The following ZRANB3 variants were observed in gnomAD, a reference collection of about 807,000 sequenced individuals.
The protein encoded by ZRANB3 is DNA annealing helicase and endonuclease ZRANB3.
In ZRANB3, 125 loss-of-function variants were observed where a neutral mutation model predicts 133.8. That is an observed-to-expected ratio of 0.93 (90% CI 0.81 to 1.08). The LOEUF is 1.08. ZRANB3 is among the 50% of genes least tolerant of loss of function. ZRANB3 has a pLI of 0.00. For missense variants in ZRANB3, 1,229 were observed against 1,275.5 expected (o/e 0.96, Z 0.56); for synonymous variants, 387 against 432.7 (o/e 0.89, Z 1.31).
intron 12 of ZRANB3, 112 bp downstream of exon 12, chr2:135,265,422 G>T: frequency 1.7e-6 from 2 of 1,189,600 alleles, no homozygotes; most frequent in Non-Finnish European, 2.2e-6. Flanking sequence ...TTTATGTGAA[G>T]TCTCCTTTCA....
intron 10 of ZRANB3, among the ~76,000 whole-genome samples, chr2:135,270,109 C>T (rs1337070927): frequency 2.0e-5 from 3 of 151,960 alleles, no homozygotes; most frequent in African/African-American, 7.3e-5. Context: ...GAAAATCAGT[C>T]TCTGAAAAAG....
intron 2 of ZRANB3, among the ~76,000 whole-genome samples, chr2:135,397,374 G>T (rs1397274369): frequency 1.3e-5 from 2 of 151,486 alleles, no homozygotes; most frequent in Non-Finnish European, 2.9e-5. Flanking sequence ...CTTGAGCCCA[G>T]GAAGTTTAAT....
intron 12 of ZRANB3, among the ~76,000 whole-genome samples, chr2:135,245,945 AAAAG>A (rs1434561935): frequency 2.0e-5 from 3 of 146,574 alleles, no homozygotes; most frequent in Non-Finnish European, 4.5e-5. Flanking sequence ...AAAAAAAAAA[AAAAG>A]AGACAGGGTT....
intron 6 of ZRANB3, among the ~76,000 whole-genome samples, chr2:135,323,837 G>A (rs544631489): frequency 2.0e-5 from 3 of 151,710 alleles, no homozygotes; most frequent in Middle Eastern, 3.4e-3. Flanking sequence ...GTTCGATCTC[G>A]GCTCACTGCA....
chr2:135,366,103 A>G (rs1685926513), intron 3 of ZRANB3, among the ~76,000 whole-genome samples: 1 of 152,198 alleles, frequency 6.6e-6, no homozygotes, highest in Admixed American at 6.5e-5. Context: ...TACTTGGATT[A>G]ATCTGTCAAT....
intron 2 of ZRANB3, among the ~76,000 whole-genome samples, chr2:135,406,987 G>A (rs1688068728): frequency 6.6e-6 from 1 of 152,182 alleles, no homozygotes; most frequent in South Asian, 2.1e-4. Context: ...TCAGGCAGGA[G>A]AAGGAAATAA....
At chr2:135,478,365 G>C (rs1691594996) in intron 2 of ZRANB3, among the ~76,000 whole-genome samples, 1 of 151,976 alleles carries the variant, frequency 6.6e-6, no homozygotes, top group African/African-American at 2.4e-5. Flanking sequence ...CCAAGTTAAA[G>C]AAACAGAATA....
chr2:135,408,657 G>A (rs1004660969), intron 2 of ZRANB3, among the ~76,000 whole-genome samples: 2 of 152,162 alleles, frequency 1.3e-5, no homozygotes, highest in Non-Finnish European at 2.9e-5. Flanking sequence ...AAAAAGTGAT[G>A]AGTTCATGTC....
In ZRANB3 at chr2:135,345,605, G is replaced by T. The variant is rs1684882122; in HGVS notation, c.622C>A (p.Gln208Lys). 6.2e-7 allele frequency: 1 copy of T among 1,612,568 alleles called. No homozygotes were observed. Among genetic ancestry groups the T allele is most frequent in the Non-Finnish European group, 8.5e-7 (1 of 1,179,156 alleles). The part of the protein sequence containing the change: ...LFMQIEALFP[Q>K]KFGRWTDYAK... ...TAGTCGGTCCATCTTCCAAATTTTTGTGGAAAGAGAGCTTCAATCTGCATA... is the reference window on the plus strand; with the variant it reads ...TAGTCGGTCCATCTTCCAAATTTTTTTGGAAAGAGAGCTTCAATCTGCATA... The change falls in exon 6 of 21, where the codon CAA becomes AAA. Residue 208 changes from glutamine (Q) to lysine (K), a missense_variant. By Grantham distance (53) the Gln-to-Lys change is moderately conservative (BLOSUM62 1). Coordinates refer to ENST00000264159, the MANE Select transcript of ZRANB3 (RefSeq NM_032143.4).
chr2:135,210,860 CT>C (rs1324992922), intron 17 of ZRANB3, among the ~76,000 whole-genome samples: 1 of 152,084 alleles, frequency 6.6e-6, no homozygotes, highest in Admixed American at 6.6e-5. Flanking sequence ...GAAACCCTGT[CT>C]CTACTAAAAG....
intron 2 of ZRANB3, among the ~76,000 whole-genome samples, chr2:135,413,157 G>A (rs1688386735): frequency 6.6e-6 from 1 of 152,054 alleles, no homozygotes; most frequent in Non-Finnish European, 1.5e-5. Flanking sequence ...GACACTTTAG[G>A]ACACTTCGGA....
intron 10 of ZRANB3, chr2:135,271,209 T>A: frequency 2.4e-6 from 1 of 414,234 alleles, no homozygotes. Flanking sequence ...AAGGACTTTG[T>A]GCAAACATCA....
At chr2:135,374,429 C>A (rs1686327274) in intron 3 of ZRANB3, among the ~76,000 whole-genome samples, 1 of 151,996 alleles carries the variant, frequency 6.6e-6, no homozygotes, top group Admixed American at 6.6e-5. Context: ...AACTAAACTT[C>A]TGCTCTGTGA....
intron 4 of ZRANB3, among the ~76,000 whole-genome samples, chr2:135,351,269 T>TC (rs1393818305): frequency 2.7e-5 from 4 of 146,792 alleles, no homozygotes; most frequent in African/African-American, 7.5e-5. Flanking sequence ...AATTTTCTTT[T>TC]TTTTTTTTTT....
intron 17 of ZRANB3, among the ~76,000 whole-genome samples, chr2:135,210,164 T>TG (rs570361622): frequency 1.1e-3 from 172 of 152,220 alleles, no homozygotes; most frequent in Middle Eastern, 3.4e-3. Flanking sequence ...CAGCAGTAAC[T>TG]GGAGTCTGAC....
intron 1 of ZRANB3, among the ~76,000 whole-genome samples, chr2:135,512,125 T>A (rs534087752): frequency 6.6e-6 from 1 of 152,310 alleles, no homozygotes; most frequent in Non-Finnish European, 1.5e-5. Flanking sequence ...AATGACAATA[T>A]TGGCTAGGGA....
chr2:135,200,360 T>C lies in ZRANB3; in HGVS notation c.3222A>G (p.Arg1074=), dbSNP rs751513311. The part of the protein sequence containing the change: ...LASKHGSDIT[R]FLVKK ...TTCTACTTTACTTCTTTACCAAAAA[T>C]CGTGTGATGTCTGATCCATGCTTTG... The change falls in exon 21 of 21, where the codon CGA becomes CGG. Residue 1074 remains arginine (R), a synonymous_variant. Transcript: ENST00000264159. 17 of 1,601,034 alleles carry C rather than the reference T, an allele frequency of 1.1e-5. No homozygotes were observed. Among genetic ancestry groups the C allele is most frequent in the Non-Finnish European group, 1.3e-5 (15 of 1,173,202 alleles).
At chr2:135,485,070 A>T (rs943581607) in intron 2 of ZRANB3, among the ~76,000 whole-genome samples, 1 of 152,058 alleles carries the variant, frequency 6.6e-6, no homozygotes, top group African/African-American at 2.4e-5. Context: ...ATATATTTTT[A>T]AAACCCCAAT....
intron 2 of ZRANB3, among the ~76,000 whole-genome samples, chr2:135,483,957 T>A (rs1362704640): frequency 6.6e-6 from 1 of 152,222 alleles, no homozygotes; most frequent in Non-Finnish European, 1.5e-5. Flanking sequence ...TCTAGTTTGA[T>A]TGCACTGTGG....
Sources: allele counts gnomAD v4.1 joint callset (sites outside exome capture counted in the v4.1 genomes callset), GRCh38; gene constraint gnomAD v4.1.1; transcripts MANE v1.5; gene names NCBI Gene and HGNC (gene_info 2026-07-23, HGNC 2026-07-21).